CDK7: variants seen among roughly 807,000 people sequenced by gnomAD.
The protein encoded by CDK7 is cyclin dependent kinase 7.
A neutral mutation model predicts 49.1 loss-of-function variants in CDK7; 25 were observed. The ratio of observed to expected loss-of-function variants is 0.51; its 90% CI spans 0.37 to 0.71. The LOEUF is 0.71. Ranked by LOEUF, CDK7 falls within the 30% of genes least tolerant of loss-of-function variation. The pLI is 0.00. For synonymous variants in CDK7, 107 were observed against 140.0 expected (o/e 0.76, Z 1.67); for missense variants, 316 against 411.7 (o/e 0.77, Z 2.01).
chr5:69,255,677 C>G (rs766414775), intron 5 of CDK7, 149 bp downstream of exon 5: 2 of 711,452 alleles, frequency 2.8e-6, no homozygotes, highest in Non-Finnish European at 5.1e-6. Flanking sequence ...GCAAAAGGAT[C>G]TCTAGTTATT....
At chr5:69,264,136 G>C (rs1243789237) in intron 8 of CDK7, among the ~76,000 whole-genome samples, 6 of 152,014 alleles carry the variant, frequency 3.9e-5, no homozygotes, top group Non-Finnish European at 8.8e-5. Flanking sequence ...AAACTAAAAA[G>C]AAACTTGGAA....
Position 69,255,547 on chromosome 5 carries a change from G to T in CDK7, c.297+19G>T, listed in dbSNP as rs1477105287. On this transcript the variant is annotated intron_variant, in intron 5 of 11. Transcript: ENST00000256443. The stretch of plus-strand genomic sequence containing the variant: ...TCTAGAGGTAAGATTAAGATTCCTG[G>T]AGAAATTCCTTTGTCCCAGTTTATC... 10 of 1,477,882 alleles carry T rather than the reference G, an allele frequency of 6.8e-6. No individual in the cohort carries two copies. Among genetic ancestry groups the T allele is most frequent in the Non-Finnish European group, 9.5e-6 (10 of 1,056,706 alleles). The allele number at this position is 1,477,882 out of a possible 1,614,324, so 91.5% of individuals were successfully genotyped here.
At chr5:69,272,265 A>G (rs1055580991) in intron 9 of CDK7, among the ~76,000 whole-genome samples, 6 of 152,298 alleles carry the variant, frequency 3.9e-5, no homozygotes, top group Non-Finnish European at 8.8e-5. Flanking sequence ...CTCTGCCAAT[A>G]CAACAGAGTC....
At chr5:69,247,196 T>A (rs1377907927) in intron 2 of CDK7, among the ~76,000 whole-genome samples, 1 of 152,208 alleles carries the variant, frequency 6.6e-6, no homozygotes, top group African/African-American at 2.4e-5. Flanking sequence ...GTGGGGGTGT[T>A]GAAGCCTCCA....
At chr5:69,251,291 G>A (rs1750128305) in intron 2 of CDK7, among the ~76,000 whole-genome samples, 1 of 151,928 alleles carries the variant, frequency 6.6e-6, no homozygotes, top group African/African-American at 2.4e-5. Context: ...ATAGAGACGG[G>A]GTTTCACCAT....
chr5:69,265,452 GAAAAT>G (rs766586551), intron 8 of CDK7, among the ~76,000 whole-genome samples: 3 of 152,076 alleles, frequency 2.0e-5, no homozygotes, highest in Admixed American at 6.6e-5. Context: ...ACATAGAAAA[GAAAAT>G]AAAGTATTAG....
chr5:69,259,339 T>C (rs1348845240), intron 6 of CDK7, among the ~76,000 whole-genome samples: 1 of 152,194 alleles, frequency 6.6e-6, no homozygotes, highest in Admixed American at 6.5e-5. Flanking sequence ...GATAAGTAGC[T>C]AAGAATATAT....
chr5:69,261,488 C>CTGTGTGTGTGTG (rs376469145), intron 7 of CDK7, among the ~76,000 whole-genome samples: 4,402 of 119,532 alleles, frequency 0.037, 80 homozygotes, highest in East Asian at 0.068. Context: ...TGAAAAGGTT[C>CTGTGTGTGTGTG]TCTGTGTGTG....
intron 11 of CDK7, 73 bp from the exon 12 acceptor site, chr5:69,277,034 A>T: frequency 7.6e-7 from 1 of 1,323,704 alleles, no homozygotes; most frequent in Non-Finnish European, 1.1e-6. Context: ...GTGACTGGTT[A>T]AAATTGCTAT....
chr5:69,251,966 C>T (rs752296670), intron 2 of CDK7, among the ~76,000 whole-genome samples: 6 of 152,188 alleles, frequency 3.9e-5, no homozygotes, highest in Non-Finnish European at 8.8e-5. Context: ...AACATTTTAA[C>T]CATCACAATT....
chr5:69,262,975 G>A (rs898906316), intron 8 of CDK7, among the ~76,000 whole-genome samples: 1 of 152,156 alleles, frequency 6.6e-6, no homozygotes, highest in African/African-American at 2.4e-5. Flanking sequence ...TTTAGGAAAT[G>A]TATAATACCA....
chr5:69,274,868 G>A (rs536246940), intron 10 of CDK7, among the ~76,000 whole-genome samples: 3 of 152,100 alleles, frequency 2.0e-5, no homozygotes, highest in Non-Finnish European at 2.9e-5. Context: ...CATCTGCCTC[G>A]GCCTCCCAAA....
chr5:69,269,375 T>C, intron 9 of CDK7, 82 bp downstream of exon 9: 2 of 854,990 alleles, frequency 2.3e-6, no homozygotes, highest in Non-Finnish European at 1.9e-6. Flanking sequence ...TATAGTGCTG[T>C]CACGTGAATA....
chr5:69,246,224 C>T (rs1749745993), intron 2 of CDK7, among the ~76,000 whole-genome samples: 1 of 152,046 alleles, frequency 6.6e-6, no homozygotes, highest in Admixed American at 6.6e-5. Flanking sequence ...GCAATCTCCG[C>T]CTCCCAGGTT....
chr5:69,241,613 C>T (rs1404471440), intron 2 of CDK7, among the ~76,000 whole-genome samples: 6 of 152,070 alleles, frequency 3.9e-5, no homozygotes, highest in African/African-American at 1.4e-4. Context: ...CATGAGCCAA[C>T]GGGCCCGGCC....
At position 69,258,154 on chromosome 5, in the gene CDK7, G is replaced by T. The variant is rs928360716; in HGVS notation, c.408+1G>T. On this transcript the variant is annotated splice_donor_variant, in intron 6 of 11. Coordinates refer to ENST00000256443, the MANE Select transcript of CDK7 (RefSeq NM_001799.4). LOFTEE classifies it high-confidence loss of function. The stretch of plus-strand genomic sequence containing the variant: ...ACATCAACATTGGATCCTACATAGG[G>T]TAAGGTTTTTAATATTGCTTCTTTA... 1 of 1,433,442 alleles carries T rather than the reference G, an allele frequency of 7.0e-7. No homozygotes were observed. The highest frequency in any genetic ancestry group is 1.4e-5 in the African/African-American group (1 of 69,686). 88.8% of individuals were successfully genotyped at this position (1,433,442 alleles called of 1,614,324 possible).
rs1020094740 is a variant in CDK7 at position 69,258,138 on chromosome 5, T to C, written c.393T>C (p.His131=). Residue 131 remains histidine, a synonymous_variant, in exon 6 of 12, where the codon CAT becomes CAC. Coordinates refer to ENST00000256443, the MANE Select transcript of CDK7 (RefSeq NM_001799.4). ...AAGGATTAGAATATTTACATCAACA[T>C]TGGATCCTACATAGGGTAAGGTTTT... is the stretch of plus-strand genomic sequence containing the variant. ...TLQGLEYLHQ[H]WILHRDLKPN... 7.1e-6 allele frequency: 11 copies of C among 1,545,002 alleles called. No individual in the cohort carries two copies. Among genetic ancestry groups the C allele is most frequent in the Non-Finnish European group, 9.8e-6 (11 of 1,127,934 alleles).
intron 8 of CDK7, among the ~76,000 whole-genome samples, chr5:69,267,700 T>TA (rs1167838579): frequency 6.6e-6 from 1 of 152,150 alleles, no homozygotes; most frequent in East Asian, 1.9e-4. Flanking sequence ...TTTTCCTACT[T>TA]TTTCTCATAA....
chr5:69,272,150 G>A (rs1751623339), intron 9 of CDK7, among the ~76,000 whole-genome samples: 1 of 152,060 alleles, frequency 6.6e-6, no homozygotes, highest in South Asian at 2.1e-4. Context: ...TGAAATGACG[G>A]TCTCTTCATT....
Sources: gnomAD v4.1 joint callset for allele counts (sites outside exome capture counted in the v4.1 genomes callset) on GRCh38, gnomAD v4.1.1 for gene constraint, MANE v1.5 for transcripts, NCBI Gene and HGNC (gene_info 2026-07-23, HGNC 2026-07-21) for gene names.